The following GINS3 variants were observed in gnomAD, a reference collection of about 807,000 sequenced individuals.
GINS3 encodes the protein GINS complex subunit 3.
GINS3 carries 18 observed loss-of-function variants against 20.0 expected under a neutral mutation model. The observed-to-expected ratio is 0.90, with a 90% CI of 0.62 to 1.33. The LOEUF is 1.33. Among genes scored for constraint, GINS3 ranks in the 40% most tolerant of loss-of-function variants. GINS3 has a pLI of 0.00. For missense variants in GINS3, 254 were observed against 273.6 expected, an observed-to-expected ratio of 0.93 and a Z score of 0.51; for synonymous variants, 109 against 107.0, an observed-to-expected ratio of 1.02 and a Z score of -0.12.
Position 58,404,727 on chromosome 16 carries a change from T to C in GINS3, c.649T>C (p.Ter217ArgextTer42). Residue 217 changes from the stop codon to arginine (R), a stop_lost, in exon 3 of 3, where the codon TGA (stop) becomes CGA (arginine). Coordinates refer to ENST00000318129, the MANE Select transcript of GINS3 (RefSeq NM_022770.4). ...GAGAAAATTCACTGATATGGAAGAC[T>C]GAAAGCCGGAAGAACACAGAATGGC... ...KKRKFTDMED[*>R] is the part of the protein sequence containing the mutation. 1 of 1,610,906 alleles carries C rather than the reference T, an allele frequency of 6.2e-7. No homozygotes were observed. Among genetic ancestry groups the C allele is most frequent in the Non-Finnish European group, 8.5e-7 (1 of 1,177,526 alleles).
intron 1 of GINS3, among the ~76,000 whole-genome samples, chr16:58,394,094 C>T (rs1218734498): frequency 2.0e-5 from 3 of 152,048 alleles, no homozygotes; most frequent in South Asian, 2.1e-4. Flanking sequence ...GTAAACATGG[C>T]GCTATGCTGC....
intron 1 of GINS3, among the ~76,000 whole-genome samples, chr16:58,398,594 AGCAAGATACT>A (rs1045872033): frequency 1.3e-5 from 2 of 152,260 alleles, no homozygotes; most frequent in Non-Finnish European, 2.9e-5. Flanking sequence ...TAGATGACAC[AGCAAGATACT>A]GTCTCAAAAG....
rs953089244 is a variant in GINS3, at chr16:58,404,520, C to G, written c.442C>G (p.Arg148Gly). ...CCAGACTTTTATCGGACGTTTTCGCCGCATCATGGACTCCTCACAGAATGC... is the reference window on the plus strand; with the variant it reads ...CCAGACTTTTATCGGACGTTTTCGCGGCATCATGGACTCCTCACAGAATGC... ...LLQTFIGRFR[R>G]IMDSSQNAYN... Residue 148 changes from arginine to glycine, a missense_variant, in exon 3 of 3, where the codon CGC (arginine) becomes GGC (glycine). Arg to Gly is a moderately radical substitution (Grantham distance 125, BLOSUM62 -2). Coordinates refer to ENST00000318129, the MANE Select transcript of GINS3 (RefSeq NM_022770.4). 2 of 1,613,910 alleles carry G rather than the reference C, an allele frequency of 1.2e-6. No homozygotes were observed. The highest frequency in any genetic ancestry group is 1.7e-6 in the Non-Finnish European group (2 of 1,179,952).
chr16:58,399,875 G>C (rs1965931896), intron 1 of GINS3, among the ~76,000 whole-genome samples: 1 of 152,166 alleles, frequency 6.6e-6, no homozygotes, highest in Admixed American at 6.5e-5. Context: ...GAAATGACTA[G>C]AATCTTAGAA....
chr16:58,403,492 TATACACACAC>T (rs1033461302), intron 2 of GINS3, 161 bp downstream of exon 2: 6 of 594,032 alleles, frequency 1.0e-5, no homozygotes, highest in African/African-American at 9.5e-5. Context: ...TATTTACATA[TATACACACAC>T]ACACACACAC....
chr16:58,400,741 T>C (rs1341281958), intron 1 of GINS3, among the ~76,000 whole-genome samples: 1 of 152,100 alleles, frequency 6.6e-6, no homozygotes, highest in African/African-American at 2.4e-5. Context: ...TTATGTTCTT[T>C]TAGCACATAA....
chr16:58,401,291 G>A (rs1181894278), intron 1 of GINS3, among the ~76,000 whole-genome samples: 1 of 152,154 alleles, frequency 6.6e-6, no homozygotes, highest in Non-Finnish European at 1.5e-5. Flanking sequence ...TGAAGCTGCA[G>A]ACCTTTGCAG....
chr16:58,401,957 C>G (rs1206046954), intron 1 of GINS3, among the ~76,000 whole-genome samples: 1 of 152,104 alleles, frequency 6.6e-6, no homozygotes, highest in East Asian at 1.9e-4. Flanking sequence ...TAATATATAG[C>G]TATTATCTCT....
chr16:58,395,168 C>A, intron 1 of GINS3: 1 of 433,274 alleles, frequency 2.3e-6, no homozygotes, highest in South Asian at 6.3e-5. Context: ...CTTGACCTCC[C>A]AGGCTCCAGA....
rs1192822827 is a variant in GINS3, at chr16:58,403,130, A to C, written c.219A>C (p.Ala73=). ...AGCTTGAACTACCCTTGTGGCTGGCAAAAGGACTTTTTGACAACAAGCGAC... is the reference window on the plus strand; with the variant it reads ...AGCTTGAACTACCCTTGTGGCTGGCCAAAGGACTTTTTGACAACAAGCGAC... ...GSKLELPLWL[A]KGLFDNKRRI... Residue 73 remains alanine (A), a synonymous_variant, in exon 2 of 3, where the codon GCA becomes GCC. Coordinates refer to ENST00000318129, the MANE Select transcript of GINS3 (RefSeq NM_022770.4). 6.2e-7 allele frequency: 1 copy of C among 1,614,178 alleles called. No individual in the cohort carries two copies. Among genetic ancestry groups the C allele is most frequent in the Non-Finnish European group, 8.5e-7 (1 of 1,180,026 alleles).
Position 58,403,062 on chromosome 16 carries a change from G to C in GINS3, c.187-36G>C, listed in dbSNP as rs745964574. 3 of 1,535,336 alleles carry C rather than the reference G, an allele frequency of 2.0e-6. No homozygotes were observed. In the Admixed American group the frequency reaches 5.0e-5, roughly 26 times the overall value. ...GTCACACACATTTGCTGTGTTACTT[G>C]TCTGTTTTTAAAATCTACATTCATG... On this transcript the variant is annotated intron_variant, in intron 1 of 2. Transcript: ENST00000318129.
chr16:58,399,011 T>C (rs568693861), intron 1 of GINS3, among the ~76,000 whole-genome samples: 8 of 152,244 alleles, frequency 5.3e-5, no homozygotes, highest in African/African-American at 7.2e-5. Context: ...CTACTTTTTT[T>C]TTTATCCTGT....
At chr16:58,395,801 C>T (rs1873558257) in intron 1 of GINS3, among the ~76,000 whole-genome samples, 1 of 152,206 alleles carries the variant, frequency 6.6e-6, no homozygotes, top group South Asian at 2.1e-4. Context: ...TTCTATTCCA[C>T]AAAGCCGCCA....
At chr16:58,397,207 G>T (rs1379372692) in intron 1 of GINS3, among the ~76,000 whole-genome samples, 2 of 151,504 alleles carry the variant, frequency 1.3e-5, no homozygotes, top group Admixed American at 6.6e-5. Flanking sequence ...TCACTTCTCA[G>T]ACGGGGCGGC....
intron 1 of GINS3, among the ~76,000 whole-genome samples, chr16:58,396,378 G>A (rs1965858313): frequency 7.8e-6 from 1 of 127,414 alleles, no homozygotes; most frequent in African/African-American, 3.2e-5. Context: ...GGGGCGGCTG[G>A]CCGGGCAGGG....
At chr16:58,395,575 A>G (rs979674672) in intron 1 of GINS3, among the ~76,000 whole-genome samples, 5 of 152,102 alleles carry the variant, frequency 3.3e-5, no homozygotes, top group African/African-American at 9.7e-5. Context: ...AACAAAGCAC[A>G]TCTTGCACCA....
Position 58,396,583 on chromosome 16 carries a change from C to T in GINS3, c.186+3796C>T, listed in dbSNP as rs1252722679. ...GCGGGGGCTGATCCCCCCCACCTCC[C>T]TCCCGGACGGGGCGGCTGGCCGGGC... On this transcript the variant is annotated intron_variant, in intron 1 of 2. Transcript: ENST00000318129. Among the ~76,000 whole-genome samples the T allele has an allele frequency of 3.6e-4, 25 of 68,786 alleles. 1 individual carries two copies. Among genetic ancestry groups the T allele is most frequent in the African/African-American group, 1.6e-3 (24 of 14,782 alleles). 45.1% of individuals were successfully genotyped at this position (68,786 alleles called of 152,430 possible). A position where few individuals can be genotyped will look rare whatever the true frequency, so the allele number is the denominator to read the frequency against.
chr16:58,404,764 G>A lies in GINS3; in HGVS notation c.*35G>A, dbSNP rs181413993. 2.1e-5 allele frequency: 31 copies of A among 1,449,938 alleles called. No homozygotes were observed. The highest frequency in any genetic ancestry group is 1.2e-4 in the East Asian group (5 of 43,102). The allele number at this position is 1,449,938 out of a possible 1,614,324, so 89.8% of individuals were successfully genotyped here. A position where few individuals can be genotyped will look rare whatever the true frequency, so the allele number is the denominator to read the frequency against. ...GAACACAGAATGGCTCCTCACAGAC[G>A]TATCCCTCCGTGTGTCCTTGATAGG... On this transcript the variant is annotated 3_prime_UTR_variant, in exon 3 of 3. Coordinates refer to ENST00000318129, the MANE Select transcript of GINS3 (RefSeq NM_022770.4).
At chr16:58,399,158 T>C (rs1021395866) in intron 1 of GINS3, among the ~76,000 whole-genome samples, 3 of 151,758 alleles carry the variant, frequency 2.0e-5, no homozygotes, top group African/African-American at 7.3e-5. Flanking sequence ...TAGGAAAAAT[T>C]GAAAAATTAG....
Sources: allele counts gnomAD v4.1 joint callset (sites outside exome capture counted in the v4.1 genomes callset), GRCh38; gene constraint gnomAD v4.1.1; transcripts MANE v1.5; gene names NCBI Gene and HGNC (gene_info 2026-07-23, HGNC 2026-07-21).